The following PDCD5 variants were observed in gnomAD, a reference collection of about 807,000 sequenced individuals.
The protein encoded by PDCD5 is programmed cell death 5.
A neutral mutation model predicts 21.9 loss-of-function variants in PDCD5; 23 were observed. That is an observed-to-expected ratio of 1.05 (90% CI 0.76 to 1.49). The LOEUF is 1.49. Ranked by LOEUF, PDCD5 falls within the 40% of genes most tolerant of loss-of-function variation. The probability of loss-of-function intolerance (pLI) is 0.00; values close to 1 mark genes in which losing one functional copy is unlikely to be tolerated. For synonymous variants in PDCD5, 45 were observed against 49.4 expected, an observed-to-expected ratio of 0.91 and a Z score of 0.37; for missense variants, 152 against 147.7, an observed-to-expected ratio of 1.03 and a Z score of -0.15.
intron 2 of PDCD5, 138 bp from the exon 3 acceptor site, chr19:32,584,812 T>C: frequency 1.4e-6 from 1 of 717,126 alleles, no homozygotes; most frequent in East Asian, 2.5e-5. Context: ...CAGCCTTATG[T>C]ACAGCAACTA....
intron 2 of PDCD5, 65 bp from the exon 3 acceptor site, chr19:32,584,885 C>CAT: frequency 7.6e-7 from 1 of 1,313,516 alleles, no homozygotes; most frequent in Non-Finnish European, 1.1e-6. Context: ...GGTTCTTTCT[C>CAT]GTATGTTACA....
chr19:32,581,841 C>T, intron 1 of PDCD5: 1 of 283,628 alleles, frequency 3.5e-6, no homozygotes, highest in Non-Finnish European at 6.5e-6. Context: ...GATAAGGGAC[C>T]GGGACCTTAG....
intron 5 of PDCD5, 92 bp downstream of exon 5, chr19:32,587,021 C>T: frequency 1.7e-6 from 2 of 1,160,318 alleles, no homozygotes; most frequent in South Asian, 2.8e-5. Context: ...TTTTTCAGCC[C>T]AGAGACATTT....
intron 1 of PDCD5, chr19:32,581,818 G>C (rs556141149): frequency 1.3e-3 from 330 of 253,302 alleles, no homozygotes; most frequent in Non-Finnish European, 2.0e-3. Flanking sequence ...CACACGCCCG[G>C]AGAGGCGTTT....
Position 32,585,843 on chromosome 19 carries a change from A to C in PDCD5, c.194A>C (p.Glu65Ala). ...AGTAACTTAGCACTTGTAAAGCCTG[A>C]AAAAACTAAAGCAGTAGAGAATTAC... The part of the protein sequence containing the change: ...RLSNLALVKP[E>A]KTKAVENYLI... The change falls in exon 4 of 6, where the codon GAA becomes GCA. Residue 65 changes from glutamate to alanine, a missense_variant. By Grantham distance (107) the Glu-to-Ala change is moderately radical. Coordinates refer to ENST00000590247, the MANE Select transcript of PDCD5 (RefSeq NM_004708.4). 1 of 1,608,294 alleles carries C rather than the reference A, an allele frequency of 6.2e-7. No individual in the cohort carries two copies. Among genetic ancestry groups the C allele is most frequent in the Non-Finnish European group, 8.5e-7 (1 of 1,174,782 alleles).
intron 4 of PDCD5, 108 bp from the exon 5 acceptor site, chr19:32,586,750 T>C: frequency 6.9e-7 from 1 of 1,444,486 alleles, no homozygotes; most frequent in Non-Finnish European, 9.1e-7. Context: ...GCTTCCTTCC[T>C]GAGCTCTTTC....
In PDCD5 at chr19:32,582,185, T is replaced by C; in HGVS notation, c.67-10T>C. ...AATTTCTCTATTAAATTTAAGTTTT[T>C]TTTTTCCAGGATCCTGGTGATGCGG... is the stretch of plus-strand genomic sequence containing the variant. On this transcript the variant is annotated splice_polypyrimidine_tract_variant and intron_variant, in intron 1 of 5. Transcript: ENST00000590247. 6.2e-7 allele frequency: 1 copy of C among 1,610,572 alleles called. No individual in the cohort carries two copies. The highest frequency in any genetic ancestry group is 8.5e-7 in the Non-Finnish European group (1 of 1,177,394).
At chr19:32,583,809 A>G (rs891371675) in intron 2 of PDCD5, among the ~76,000 whole-genome samples, 1 of 152,004 alleles carries the variant, frequency 6.6e-6, no homozygotes, top group African/African-American at 2.4e-5. Context: ...GTACTCCAGC[A>G]TGAACAGCAG....
At position 32,581,862 on chromosome 19, in the gene PDCD5, C is replaced by T. The variant is rs12461589; in HGVS notation, c.67-333C>T. On this transcript the variant is annotated intron_variant, in intron 1 of 5. Coordinates refer to ENST00000590247, the MANE Select transcript of PDCD5 (RefSeq NM_004708.4). ...GGACCGGGACCTTAGGGACGGAGGG[C>T]GCAGTCTTTGAGTTATCGTTGTCCC... is the stretch of plus-strand genomic sequence containing the variant. Among the ~76,000 whole-genome samples the T allele has an allele frequency of 0.015, 2,338 of 152,198 alleles. 181 individuals are homozygous for T. The East Asian group carries it at 0.24, about 15-fold the overall frequency.
chr19:32,582,313 T>G, intron 2 of PDCD5, 81 bp downstream of exon 2: 1 of 1,256,350 alleles, frequency 8.0e-7, no homozygotes, highest in Non-Finnish European at 1.1e-6. Context: ...TAAGCAGGTG[T>G]GTGACTCAGA....
At chr19:32,585,748 G>GT in intron 3 of PDCD5, 68 bp from the exon 4 acceptor site, 1 of 916,176 alleles carries the variant, frequency 1.1e-6, no homozygotes, top group Non-Finnish European at 1.8e-6. Context: ...TCAATGCATA[G>GT]TTTTAAGGTA....
At chr19:32,586,218 C>T in intron 4 of PDCD5, 1 of 1,441,806 alleles carries the variant, frequency 6.9e-7, no homozygotes, top group South Asian at 1.5e-5. Flanking sequence ...TAAAATACTA[C>T]CAGTGTAAGT....
In PDCD5 at chr19:32,581,205, G is replaced by C. The variant is rs1242263183; in HGVS notation, c.-57G>C. On this transcript the variant is annotated 5_prime_UTR_variant, in exon 1 of 6. Transcript: ENST00000590247. ...GCGCCTGCGCAGTGGTCAAGGCCGCGCTCGCGCCGAGGGGCTGCGAGAGTG... is the reference window on the plus strand; with the variant it reads ...GCGCCTGCGCAGTGGTCAAGGCCGCCCTCGCGCCGAGGGGCTGCGAGAGTG... 14 of 1,319,072 alleles carry C rather than the reference G, an allele frequency of 1.1e-5. No homozygotes were observed. Among genetic ancestry groups the C allele is most frequent in the African/African-American group, 4.6e-5 (3 of 65,572 alleles). The allele number at this position is 1,319,072 out of a possible 1,614,324, so 81.7% of individuals were successfully genotyped here. A position where few individuals can be genotyped will look rare whatever the true frequency, so the allele number is the denominator to read the frequency against.
In PDCD5 at chr19:32,582,180, G is replaced by GT. The variant is rs35500233; in HGVS notation, c.67-5dup. ...CGTGAAATTTCTCTATTAAATTTAA[G>GT]TTTTTTTTTTCCAGGATCCTGGTGA... On this transcript the variant is annotated splice_polypyrimidine_tract_variant and intron_variant, in intron 1 of 5. Transcript: ENST00000590247. 56,813 of 1,336,534 alleles carry GT rather than the reference G, an allele frequency of 0.043. 264 individuals carry two copies. Among genetic ancestry groups the GT allele is most frequent in the Non-Finnish European group, 0.049 (47,838 of 974,076 alleles). The allele number at this position is 1,336,534 out of a possible 1,614,324, so 82.8% of individuals were successfully genotyped here.
chr19:32,586,017 G>C, intron 4 of PDCD5, 110 bp downstream of exon 4: 1 of 1,604,620 alleles, frequency 6.2e-7, no homozygotes, highest in Admixed American at 1.7e-5. Context: ...CTGACTCTCA[G>C]AAGAAATTGT....
chr19:32,586,454 G>T, intron 4 of PDCD5: 1 of 1,108,448 alleles, frequency 9.0e-7, no homozygotes, highest in South Asian at 2.9e-5. Context: ...AGCTGGTTGG[G>T]TTGATCTTTT....
rs75015964 is a variant in PDCD5, at chr19:32,581,307, G to A, written c.46G>A (p.Glu16Lys). The A allele has an allele frequency of 8.1e-4, 1,232 of 1,525,192 alleles. 8 individuals are homozygous for A. The African/African-American group carries it at 0.016, about 19-fold the overall frequency. The allele number at this position is 1,525,192 out of a possible 1,614,324, so 94.5% of individuals were successfully genotyped here. Reference protein sequence around the residue: ...LEALRRQRLAELQAKHGDPGD... With the variant: ...LEALRRQRLAKLQAKHGDPGD... ...GGCGCTGAGGAGACAGAGGCTGGCC[G>A]AGCTGCAGGCCAAACACGGGGTGAG... Residue 16 changes from glutamate (E) to lysine (K), a missense_variant, in exon 1 of 6, where the codon GAG becomes AAG. Glu to Lys is a moderately conservative substitution (Grantham distance 56). Transcript: ENST00000590247.
In PDCD5 at chr19:32,581,254, G is replaced by A. The variant is rs1380170798; in HGVS notation, c.-8G>A. 15 of 1,508,272 alleles carry A rather than the reference G, an allele frequency of 9.9e-6. No individual in the cohort carries two copies. Among genetic ancestry groups the A allele is most frequent in the South Asian group, 3.7e-5 (3 of 80,112 alleles). 93.4% of individuals were successfully genotyped at this position (1,508,272 alleles called of 1,614,324 possible). The stretch of plus-strand genomic sequence containing the variant: ...TGACCGCGGCTGCTCCAGCGCTGAC[G>A]CCGAGCCATGGCGGACGAGGAGCTT... On this transcript the variant is annotated 5_prime_UTR_variant, in exon 1 of 6. Transcript: ENST00000590247.
chr19:32,586,234 G>A (rs1799439360), intron 4 of PDCD5: 8 of 1,436,052 alleles, frequency 5.6e-6, no homozygotes, highest in Middle Eastern at 5.1e-4. Flanking sequence ...TAAGTAGAAG[G>A]TGTGTTTTGC....
Sources: gnomAD v4.1 joint callset for allele counts (sites outside exome capture counted in the v4.1 genomes callset) on GRCh38, gnomAD v4.1.1 for gene constraint, MANE v1.5 for transcripts, NCBI Gene and HGNC (gene_info 2026-07-23, HGNC 2026-07-21) for gene names.